DNAJC1: variants seen among roughly 807,000 people sequenced by gnomAD.
DNAJC1 encodes dnaJ homolog subfamily C member 1.
Under a neutral mutation model 76.6 loss-of-function variants are expected in DNAJC1, and 58 were observed. The observed-to-expected ratio is 0.76, with a 90% CI of 0.61 to 0.94. DNAJC1 has a LOEUF of 0.94. Ranked by LOEUF, DNAJC1 falls within the 40% of genes least tolerant of loss-of-function variation. DNAJC1 has a pLI of 0.00. For missense variants in DNAJC1, 689 were observed against 677.3 expected, an observed-to-expected ratio of 1.02 and a Z score of -0.19; for synonymous variants, 258 against 267.9, an observed-to-expected ratio of 0.96 and a Z score of 0.36.
chr10:21,817,978 G>A lies in DNAJC1; in HGVS notation c.979-11879C>T, dbSNP rs57647714. Among the ~76,000 whole-genome samples the A allele has an allele frequency of 5.2e-3, 786 of 152,246 alleles. 9 individuals carry two copies. The highest frequency in any genetic ancestry group is 0.018 in the African/African-American group (750 of 41,544). On this transcript the variant is annotated intron_variant, in intron 8 of 11. Coordinates refer to ENST00000376980, the MANE Select transcript of DNAJC1 (RefSeq NM_022365.4). ...GCGTTAACTGCACAAATTGTTTGTA[G>A]AGCATGTGTATTTGAACAATATGAA...
intron 1 of DNAJC1, among the ~76,000 whole-genome samples, chr10:21,952,777 T>C (rs1040841190): frequency 1.3e-5 from 2 of 151,920 alleles, no homozygotes; most frequent in African/African-American, 4.8e-5. Flanking sequence ...AATCAATCAA[T>C]CGATAATAAA....
At chr10:21,838,450 T>C (rs1463253990) in intron 8 of DNAJC1, among the ~76,000 whole-genome samples, 1 of 151,962 alleles carries the variant, frequency 6.6e-6, no homozygotes, top group Non-Finnish European at 1.5e-5. Flanking sequence ...TCATCACCAC[T>C]CCGTAATCTC....
chr10:21,908,855 A>C (rs1836804017), intron 6 of DNAJC1, among the ~76,000 whole-genome samples: 1 of 151,952 alleles, frequency 6.6e-6, no homozygotes, highest in Admixed American at 6.6e-5. Context: ...TTTTTATTCT[A>C]GAAGCAACTG....
At chr10:21,946,553 G>A (rs1837508457) in intron 1 of DNAJC1, among the ~76,000 whole-genome samples, 1 of 152,076 alleles carries the variant, frequency 6.6e-6, no homozygotes, top group African/African-American at 2.4e-5. Flanking sequence ...CAACACCAAT[G>A]CACTGCTGGA....
intron 7 of DNAJC1, among the ~76,000 whole-genome samples, chr10:21,889,655 G>T (rs1010969398): frequency 2.0e-5 from 3 of 152,112 alleles, no homozygotes; most frequent in African/African-American, 7.2e-5. Flanking sequence ...AGTTTTCTTT[G>T]TGTTTCTTAT....
At chr10:21,814,029 C>A (rs1263079484) in intron 8 of DNAJC1, among the ~76,000 whole-genome samples, 1 of 152,222 alleles carries the variant, frequency 6.6e-6, no homozygotes, top group Admixed American at 6.5e-5. Context: ...AAATCTCAAA[C>A]TCTTTACAGT....
intron 8 of DNAJC1, among the ~76,000 whole-genome samples, chr10:21,842,437 G>T (rs959335528): frequency 6.6e-6 from 1 of 152,154 alleles, no homozygotes; most frequent in African/African-American, 2.4e-5. Context: ...TGTAAAACAA[G>T]AAGTTTTTTA....
intron 8 of DNAJC1, among the ~76,000 whole-genome samples, chr10:21,812,477 T>G (rs1448866540): frequency 6.6e-6 from 1 of 152,200 alleles, no homozygotes; most frequent in African/African-American, 2.4e-5. Flanking sequence ...GTTTTAAGAT[T>G]TTTTTATATT....
intron 9 of DNAJC1, among the ~76,000 whole-genome samples, chr10:21,778,836 C>T (rs1210941712): frequency 1.3e-5 from 2 of 152,218 alleles, no homozygotes; most frequent in African/African-American, 4.8e-5. Flanking sequence ...CAGGGAATTC[C>T]CTTTCCTAGC....
intron 10 of DNAJC1, among the ~76,000 whole-genome samples, chr10:21,763,677 C>T (rs1047168510): frequency 6.7e-6 from 1 of 149,766 alleles, no homozygotes; most frequent in East Asian, 2.0e-4. Flanking sequence ...AGTACTTTGT[C>T]AAAATACTAG....
chr10:21,955,669 A>G (rs1224416612), intron 1 of DNAJC1, among the ~76,000 whole-genome samples: 2 of 152,172 alleles, frequency 1.3e-5, no homozygotes, highest in Non-Finnish European at 2.9e-5. Context: ...AACACTTAAA[A>G]TCTATCGTAT....
chr10:21,855,570 A>G (rs1835821299), intron 8 of DNAJC1, among the ~76,000 whole-genome samples: 1 of 152,176 alleles, frequency 6.6e-6, no homozygotes. Context: ...TAGCAAGTTG[A>G]TATTATCAAT....
intron 6 of DNAJC1, among the ~76,000 whole-genome samples, chr10:21,917,409 T>C (rs959471282): frequency 3.3e-5 from 5 of 152,104 alleles, no homozygotes; most frequent in African/African-American, 1.2e-4. Flanking sequence ...TTAATATTGA[T>C]ATCTTATGTA....
chr10:21,880,570 T>C (rs1836257972), intron 8 of DNAJC1, among the ~76,000 whole-genome samples: 1 of 152,202 alleles, frequency 6.6e-6, no homozygotes, highest in Non-Finnish European at 1.5e-5. Context: ...CTCAGAGCTC[T>C]TGGGTGACTA....
chr10:21,853,939 A>G (rs1835793768), intron 8 of DNAJC1, among the ~76,000 whole-genome samples: 1 of 152,124 alleles, frequency 6.6e-6, no homozygotes, highest in South Asian at 2.1e-4. Flanking sequence ...AGATACTCCC[A>G]GAAGTTTAAA....
intron 3 of DNAJC1, among the ~76,000 whole-genome samples, chr10:21,925,899 T>A (rs1279962595): frequency 6.6e-6 from 1 of 152,240 alleles, no homozygotes; most frequent in Non-Finnish European, 1.5e-5. Context: ...AGCACTTAAC[T>A]GTACACTTAA....
intron 1 of DNAJC1, among the ~76,000 whole-genome samples, chr10:21,954,466 T>C (rs879438844): frequency 3.3e-5 from 5 of 152,072 alleles, no homozygotes; most frequent in Admixed American, 6.6e-5. Flanking sequence ...TGAAATAATA[T>C]CTCAGTCGAA....
At chr10:21,964,784 G>A (rs935155163) in intron 1 of DNAJC1, among the ~76,000 whole-genome samples, 5 of 150,954 alleles carry the variant, frequency 3.3e-5, no homozygotes, top group Admixed American at 6.6e-5. Context: ...TTGAAAGGCA[G>A]CTTCACTTGG....
intron 9 of DNAJC1, among the ~76,000 whole-genome samples, chr10:21,803,598 T>C (rs1035412413): frequency 6.7e-6 from 1 of 148,524 alleles, no homozygotes; most frequent in African/African-American, 2.5e-5. Flanking sequence ...TCTGTGTGTG[T>C]GTGTGTGTGT....
Sources: gnomAD v4.1 joint callset for allele counts (sites outside exome capture counted in the v4.1 genomes callset) on GRCh38, gnomAD v4.1.1 for gene constraint, MANE v1.5 for transcripts, NCBI Gene and HGNC (gene_info 2026-07-23, HGNC 2026-07-21) for gene names.